Variants in CAB39L observed in about 807,000 individuals in gnomAD.
The protein encoded by CAB39L is calcium-binding protein 39-like.
A neutral mutation model predicts 39.1 loss-of-function variants in CAB39L; 23 were observed. The ratio of observed to expected loss-of-function variants is 0.59; its 90% CI spans 0.42 to 0.83. The LOEUF is 0.83. Among genes scored for constraint, CAB39L ranks in the 40% least tolerant of loss-of-function variants. The probability of loss-of-function intolerance (pLI) is 0.00; values close to 1 mark genes in which losing one functional copy is unlikely to be tolerated. For missense variants in CAB39L, 366 were observed against 391.9 expected (o/e 0.93, Z 0.56); for synonymous variants, 126 against 137.2 (o/e 0.92, Z 0.57).
chr13:49,374,958 C>A (rs956444513), intron 5 of CAB39L, among the ~76,000 whole-genome samples: 1 of 152,098 alleles, frequency 6.6e-6, no homozygotes, highest in Non-Finnish European at 1.5e-5. Flanking sequence ...ATTTATAAAA[C>A]TATACTACTA....
intron 6 of CAB39L, among the ~76,000 whole-genome samples, chr13:49,353,271 T>C (rs1259981830): frequency 6.6e-6 from 1 of 152,170 alleles, no homozygotes; most frequent in Non-Finnish European, 1.5e-5. Flanking sequence ...GGGGTTTTAT[T>C]AAAGATGTTG....
intron 3 of CAB39L, among the ~76,000 whole-genome samples, chr13:49,395,228 C>G (rs1594050435): frequency 6.9e-6 from 1 of 145,824 alleles, no homozygotes; most frequent in Non-Finnish European, 1.5e-5. Context: ...ATTGTCATGT[C>G]TTTTCTTTCT....
At chr13:49,394,567 T>C (rs1956565773) in intron 3 of CAB39L, among the ~76,000 whole-genome samples, 1 of 152,096 alleles carries the variant, frequency 6.6e-6, no homozygotes, top group African/African-American at 2.4e-5. Context: ...AAGGATTATC[T>C]TTACATGCAA....
At chr13:49,405,399 C>T (rs1956849990) in intron 3 of CAB39L, among the ~76,000 whole-genome samples, 1 of 150,046 alleles carries the variant, frequency 6.7e-6, no homozygotes, top group African/African-American at 2.5e-5. Flanking sequence ...GGGATTTCAT[C>T]AACCCAGACC....
In CAB39L at chr13:49,424,905, T is replaced by C. The variant is rs1327423152; in HGVS notation, c.-32+8413A>G. ...TAATGAGAGGATGGGAATATCAAAT[T>C]ATATATTTTTAAGTTAATGGTACTG... On this transcript the variant is annotated intron_variant, in intron 3 of 10. Coordinates refer to ENST00000409308, the MANE Select transcript of CAB39L (RefSeq NM_001079670.3). Among the ~76,000 whole-genome samples, 6 of 152,142 alleles carry C rather than the reference T, an allele frequency of 3.9e-5. No homozygotes were observed. In the East Asian group the frequency reaches 9.6e-4, roughly 24 times the overall value.
intron 3 of CAB39L, chr13:49,401,237 T>C (rs1239633997): frequency 1.3e-5 from 2 of 152,206 alleles, no homozygotes; most frequent in African/African-American, 2.4e-5. Flanking sequence ...TTAGATGAAG[T>C]AGCCTTTATC....
At chr13:49,439,785 G>T (rs138940777) in intron 1 of CAB39L, among the ~76,000 whole-genome samples, 6 of 152,232 alleles carry the variant, frequency 3.9e-5, no homozygotes, top group African/African-American at 1.4e-4. Context: ...TCTGACTGGC[G>T]TGAGATGATG....
intron 10 of CAB39L, among the ~76,000 whole-genome samples, chr13:49,329,539 AAAAAAATATATATAT>A (rs1954609172): frequency 8.3e-5 from 3 of 36,242 alleles, no homozygotes; most frequent in East Asian, 8.4e-4. Context: ...TCAATTAAAA[AAAAAAATATATATAT>A]ATATATATAT....
chr13:49,332,318 T>C (rs74074569), intron 9 of CAB39L, among the ~76,000 whole-genome samples: 59 of 152,350 alleles, frequency 3.9e-4, no homozygotes, highest in African/African-American at 1.3e-3. Context: ...CTTTTTTTAG[T>C]TGGTCTTTGC....
rs371530356 is a variant in CAB39L at position 49,349,711 on chromosome 13, C to T, written c.564+1033G>A. On this transcript the variant is annotated intron_variant, in intron 7 of 10. Transcript: ENST00000409308. ...TAATTCTAGCTAACTTGATCACCCA[C>T]TTTATACACTAACCGGAATGTCAAA... Among the ~76,000 whole-genome samples, 43 of 152,198 alleles carry T rather than the reference C, an allele frequency of 2.8e-4. No homozygotes were observed. The East Asian group carries it at 4.8e-3, about 17-fold the overall frequency.
At chr13:49,434,966 C>T (rs549812202) in intron 1 of CAB39L, among the ~76,000 whole-genome samples, 50 of 152,268 alleles carry the variant, frequency 3.3e-4, no homozygotes, top group African/African-American at 1.1e-3. Flanking sequence ...AATATGTAGA[C>T]ATACATGATG....
chr13:49,438,753 AGT>A (rs767349283), intron 1 of CAB39L, among the ~76,000 whole-genome samples: 1 of 152,200 alleles, frequency 6.6e-6, no homozygotes, highest in Non-Finnish European at 1.5e-5. Context: ...ACCACATCTC[AGT>A]GTTAACTGTT....
intron 3 of CAB39L, among the ~76,000 whole-genome samples, chr13:49,432,820 T>C (rs1320226215): frequency 2.0e-5 from 3 of 152,168 alleles, no homozygotes; most frequent in African/African-American, 7.2e-5. Context: ...TTAGGGAAGA[T>C]TTTAAGTCTA....
At chr13:49,419,591 G>A (rs1957140406) in intron 3 of CAB39L, among the ~76,000 whole-genome samples, 1 of 152,042 alleles carries the variant, frequency 6.6e-6, no homozygotes, top group Non-Finnish European at 1.5e-5. Flanking sequence ...TCAAAAAATA[G>A]GAAGAAGAAG....
chr13:49,341,087 G>A (rs1954991726), intron 8 of CAB39L, among the ~76,000 whole-genome samples: 1 of 152,128 alleles, frequency 6.6e-6, no homozygotes, highest in Non-Finnish European at 1.5e-5. Context: ...AGTTGATATT[G>A]TAGATTTATC....
rs576394890 is a variant in CAB39L at position 49,423,550 on chromosome 13, C to A, written c.-32+9768G>T. On this transcript the variant is annotated intron_variant, in intron 3 of 10. Transcript: ENST00000409308. ...CTGGGCAACAGAGAAACACTCCCAT[C>A]CCTACAAAAAATAAAATAAATCATT... 2.3e-4 allele frequency among the ~76,000 whole-genome samples: 35 copies of A among 151,122 alleles called. 1 individual carries two copies. In the South Asian group the frequency reaches 7.3e-3, roughly 31 times the overall value.
chr13:49,391,118 T>C (rs1956480506), intron 3 of CAB39L, among the ~76,000 whole-genome samples: 1 of 152,070 alleles, frequency 6.6e-6, no homozygotes, highest in Non-Finnish European at 1.5e-5. Context: ...AGGGGAAAAA[T>C]CTAGAGTGGC....
intron 3 of CAB39L, among the ~76,000 whole-genome samples, chr13:49,430,708 G>A (rs73491203): frequency 0.04 from 6,053 of 152,182 alleles, 386 homozygotes; most frequent in African/African-American, 0.14. Flanking sequence ...TACACTCTAG[G>A]TGAGTTGTCT....
chr13:49,420,589 A>C (rs1957155693), intron 3 of CAB39L: 1 of 152,492 alleles, frequency 6.6e-6, no homozygotes, highest in African/African-American at 2.4e-5. Flanking sequence ...TTAGTCCTGG[A>C]CAATAAAATG....
Sources: allele counts gnomAD v4.1 joint callset (sites outside exome capture counted in the v4.1 genomes callset), GRCh38; gene constraint gnomAD v4.1.1; transcripts MANE v1.5; gene names NCBI Gene and HGNC (gene_info 2026-07-23, HGNC 2026-07-21).